Variants in PCDH15 observed in about 807,000 individuals in gnomAD.
The protein encoded by PCDH15 is protocadherin-15.
PCDH15 carries 129 observed loss-of-function variants against 178.5 expected under a neutral mutation model. The ratio of observed to expected loss-of-function variants is 0.72; its 90% confidence interval spans 0.63 to 0.84. PCDH15 has a LOEUF of 0.84. Ranked by LOEUF, PCDH15 falls within the 40% of genes least tolerant of loss-of-function variation. PCDH15 has a pLI of 0.00. For missense variants in PCDH15, 2,230 were observed against 2,099.9 expected, an observed-to-expected ratio of 1.06 and a Z score of -1.21; for synonymous variants, 800 against 732.0, an observed-to-expected ratio of 1.09 and a Z score of -1.50.
At chr10:54,439,531 A>G (rs1432564128) in intron 3 of PCDH15, among the ~76,000 whole-genome samples, 1 of 152,022 alleles carries the variant, frequency 6.6e-6, no homozygotes, top group East Asian at 1.9e-4. Context: ...TAATAATTCT[A>G]TTTATAGGCA....
At chr10:54,016,309 C>T (rs1361364439) in intron 20 of PCDH15, among the ~76,000 whole-genome samples, 3 of 150,602 alleles carry the variant, frequency 2.0e-5, no homozygotes, top group African/African-American at 7.3e-5. Flanking sequence ...TGGAACAAAG[C>T]AGTTTGGTGA....
intron 6 of PCDH15, among the ~76,000 whole-genome samples, chr10:54,332,149 T>C (rs1939744727): frequency 6.8e-6 from 1 of 147,284 alleles, no homozygotes. Context: ...CAAATCTTGA[T>C]ATTACCCCAT....
At chr10:53,924,791 T>C (rs1430436664) in intron 25 of PCDH15, among the ~76,000 whole-genome samples, 5 of 152,208 alleles carry the variant, frequency 3.3e-5, no homozygotes, top group Non-Finnish European at 7.3e-5. Context: ...AGAACCTTTA[T>C]GTCTAGCTAA....
intron 17 of PCDH15, among the ~76,000 whole-genome samples, chr10:54,077,688 T>A (rs943068532): frequency 5.9e-5 from 9 of 152,130 alleles, no homozygotes; most frequent in Admixed American, 5.9e-4. Context: ...TAAACTTTCA[T>A]CATAAGTCAA....
At chr10:54,089,779 C>T (rs781112787) in intron 16 of PCDH15, among the ~76,000 whole-genome samples, 39 of 152,108 alleles carry the variant, frequency 2.6e-4, no homozygotes, top group Non-Finnish European at 2.8e-4. Flanking sequence ...GTAGATTTTA[C>T]CTAGTAAAAA....
At chr10:55,161,570 C>T (rs1839068165) in intron 2 of PCDH15, among the ~76,000 whole-genome samples, 1 of 152,078 alleles carries the variant, frequency 6.6e-6, no homozygotes, top group African/African-American at 2.4e-5. Context: ...TACCCTCTTG[C>T]CCTTTATAGA....
rs376403965 is a variant in PCDH15, at chr10:55,219,363, T to C, written c.-155-52712A>G. Among the ~76,000 whole-genome samples, 11 of 152,100 alleles carry C rather than the reference T, an allele frequency of 7.2e-5. No individual in the cohort carries two copies. The East Asian group carries it at 9.6e-4, about 13-fold the overall frequency. ...GGTTGCAAGATAAATTCTATACTTA[T>C]ATTATTGCTAACAGTCCCGATGCAG... On this transcript the variant is annotated intron_variant, in intron 1 of 5. Transcript: ENST00000458638.
At chr10:54,730,596 A>T (rs940593454) in intron 1 of PCDH15, among the ~76,000 whole-genome samples, 1 of 151,532 alleles carries the variant, frequency 6.6e-6, no homozygotes. Context: ...GAACCCAGAT[A>T]TAAATCCATG....
At chr10:53,868,565 T>C (rs2079612283) in intron 26 of PCDH15, among the ~76,000 whole-genome samples, 1 of 151,868 alleles carries the variant, frequency 6.6e-6, no homozygotes, top group Non-Finnish European at 1.5e-5. Context: ...TTCAATTCAA[T>C]CTAATTTTAA....
intron 1 of PCDH15, among the ~76,000 whole-genome samples, chr10:54,695,584 C>T (rs374483885): frequency 6.6e-5 from 10 of 152,004 alleles, no homozygotes; most frequent in African/African-American, 2.2e-4. Flanking sequence ...GGAAGGATGC[C>T]GTGTAAAACT....
At chr10:54,957,963 G>A (rs1838533978) in intron 2 of PCDH15, among the ~76,000 whole-genome samples, 2 of 151,652 alleles carry the variant, frequency 1.3e-5, no homozygotes, top group African/African-American at 4.8e-5. Flanking sequence ...CTACCAGGAA[G>A]AAAAAAGGTT....
chr10:54,148,388 T>C (rs2044194634), intron 14 of PCDH15, among the ~76,000 whole-genome samples: 1 of 152,056 alleles, frequency 6.6e-6, no homozygotes, highest in African/African-American at 2.4e-5. Context: ...TCTATGCATA[T>C]TGTCTCATAC....
intron 15 of PCDH15, among the ~76,000 whole-genome samples, chr10:54,130,818 G>A (rs1590676865): frequency 6.6e-6 from 1 of 152,158 alleles, no homozygotes; most frequent in Non-Finnish European, 1.5e-5. Context: ...GGCAGCCAGG[G>A]TACCTCCAAT....
intron 2 of PCDH15, among the ~76,000 whole-genome samples, chr10:55,107,043 C>A (rs2132051882): frequency 6.6e-6 from 1 of 152,316 alleles, no homozygotes; most frequent in Non-Finnish European, 1.5e-5. Flanking sequence ...TTTGCCTTTG[C>A]AATGGATTTT....
chr10:53,992,899 C>T (rs2091620635), intron 21 of PCDH15, among the ~76,000 whole-genome samples: 1 of 152,146 alleles, frequency 6.6e-6, no homozygotes, highest in Non-Finnish European at 1.5e-5. Context: ...TTTTGCAAAA[C>T]ATGTATTTTA....
intron 1 of PCDH15, among the ~76,000 whole-genome samples, chr10:54,774,297 C>T (rs926744531): frequency 2.6e-5 from 4 of 151,766 alleles, no homozygotes; most frequent in African/African-American, 7.3e-5. Flanking sequence ...CAAAGTGCTG[C>T]GATTACAGGC....
chr10:54,385,760 TAAAC>T (rs1388688007), intron 3 of PCDH15, among the ~76,000 whole-genome samples: 1 of 152,162 alleles, frequency 6.6e-6, no homozygotes, highest in Admixed American at 6.5e-5. Context: ...AAAAATCAAA[TAAAC>T]TAACTAAATT....
At chr10:54,982,790 C>A (rs548912203) in intron 2 of PCDH15, among the ~76,000 whole-genome samples, 26 of 152,198 alleles carry the variant, frequency 1.7e-4, no homozygotes, top group African/African-American at 6.0e-4. Context: ...AATTTTACTG[C>A]TGATTTTTAC....
intron 8 of PCDH15, among the ~76,000 whole-genome samples, chr10:54,247,262 C>T (rs998901828): frequency 1.3e-5 from 2 of 151,804 alleles, no homozygotes; most frequent in African/African-American, 4.8e-5. Context: ...TAAAATATTG[C>T]ACTCATCCAC....
Sources: gnomAD v4.1 joint callset for allele counts (sites outside exome capture counted in the v4.1 genomes callset) on GRCh38, gnomAD v4.1.1 for gene constraint, MANE v1.5 for transcripts, NCBI Gene and HGNC (gene_info 2026-07-23, HGNC 2026-07-21) for gene names.